The following DPYD variants were observed in gnomAD, a reference collection of about 807,000 sequenced individuals.
DPYD encodes the protein dihydropyrimidine dehydrogenase.
In DPYD, 109 loss-of-function variants were observed where a neutral mutation model predicts 116.2. That is an observed-to-expected ratio of 0.94 (90% CI 0.80 to 1.10). The LOEUF is 1.10. Ranked by LOEUF, DPYD falls within the 50% of genes least tolerant of loss-of-function variation. The pLI is 0.00. For missense variants in DPYD, 1,302 were observed against 1,254.5 expected (o/e 1.04, Z -0.57); for synonymous variants, 440 against 432.0 (o/e 1.02, Z -0.23).
At chr1:97,539,847 C>T (rs1011866108) in intron 12 of DPYD, among the ~76,000 whole-genome samples, 1 of 152,076 alleles carries the variant, frequency 6.6e-6, no homozygotes, top group African/African-American at 2.4e-5. Context: ...CAAGTTTTTT[C>T]TCAGTGGCAG....
chr1:97,612,664 A>C (rs949427680), intron 8 of DPYD, among the ~76,000 whole-genome samples: 5 of 152,102 alleles, frequency 3.3e-5, no homozygotes, highest in Non-Finnish European at 7.4e-5. Flanking sequence ...ATTAAGCAGC[A>C]AATAATATCT....
At chr1:97,436,782 C>T (rs773226896) in intron 14 of DPYD, among the ~76,000 whole-genome samples, 7 of 151,842 alleles carry the variant, frequency 4.6e-5, no homozygotes, top group Non-Finnish European at 1.0e-4. Context: ...CATGTTAATT[C>T]CCATGACTCA....
chr1:97,201,491 T>C (rs1659196623), intron 19 of DPYD, among the ~76,000 whole-genome samples: 1 of 152,176 alleles, frequency 6.6e-6, no homozygotes, highest in African/African-American at 2.4e-5. Flanking sequence ...TATCCGCCTA[T>C]GAGCTTTTGG....
chr1:97,737,307 T>C (rs370622615), intron 4 of DPYD, among the ~76,000 whole-genome samples: 2 of 152,158 alleles, frequency 1.3e-5, no homozygotes, highest in East Asian at 3.8e-4. Flanking sequence ...AATGACCTCC[T>C]GTACCAAGGG....
chr1:97,254,743 T>C (rs890188551), intron 18 of DPYD, among the ~76,000 whole-genome samples: 3 of 152,174 alleles, frequency 2.0e-5, no homozygotes, highest in African/African-American at 7.2e-5. Flanking sequence ...TCATGACTTA[T>C]GAAGTGTTAA....
intron 19 of DPYD, among the ~76,000 whole-genome samples, chr1:97,214,479 A>C (rs1660243852): frequency 6.6e-6 from 1 of 152,344 alleles, no homozygotes; most frequent in African/African-American, 2.4e-5. Flanking sequence ...ATTGTGTATA[A>C]CTTTATGAAT....
At chr1:97,714,181 G>A (rs1307559947) in intron 5 of DPYD, among the ~76,000 whole-genome samples, 2 of 151,832 alleles carry the variant, frequency 1.3e-5, no homozygotes, top group Admixed American at 6.6e-5. Flanking sequence ...AACACTTAAC[G>A]CTTCAAGGCT....
chr1:97,571,688 G>A (rs1419212326), intron 11 of DPYD, among the ~76,000 whole-genome samples: 1 of 151,948 alleles, frequency 6.6e-6, no homozygotes, highest in Non-Finnish European at 1.5e-5. Context: ...TATGGTAGAA[G>A]AGGATTAACA....
chr1:97,883,211 A>G (rs1672314731), intron 2 of DPYD, 53 bp downstream of exon 2: 2 of 1,210,274 alleles, frequency 1.7e-6, no homozygotes, highest in Non-Finnish European at 2.5e-6. Flanking sequence ...TTGCCTTACA[A>G]TGTGTGGAGT....
intron 1 of DPYD, among the ~76,000 whole-genome samples, chr1:97,900,066 A>C (rs572692122): frequency 6.6e-6 from 1 of 152,070 alleles, no homozygotes; most frequent in African/African-American, 2.4e-5. Context: ...CATTCAGCTA[A>C]GTACCAGGAA....
chr1:97,751,344 A>G (rs917702383), intron 3 of DPYD, among the ~76,000 whole-genome samples: 1 of 147,020 alleles, frequency 6.8e-6, no homozygotes, highest in Non-Finnish European at 1.5e-5. Context: ...ATATATCTAT[A>G]CATATATACA....
At chr1:97,620,239 G>C (rs1037068651) in intron 8 of DPYD, among the ~76,000 whole-genome samples, 3 of 152,076 alleles carry the variant, frequency 2.0e-5, no homozygotes, top group Non-Finnish European at 2.9e-5. Flanking sequence ...TTTTGAGACA[G>C]TGTCACTTTG....
At chr1:97,631,524 T>C (rs771035156) in intron 8 of DPYD, among the ~76,000 whole-genome samples, 1 of 152,018 alleles carries the variant, frequency 6.6e-6, no homozygotes, top group Non-Finnish European at 1.5e-5. Flanking sequence ...AAATGATTTA[T>C]GTTGACAAAA....
At chr1:97,316,208 G>A (rs1404475363) in intron 16 of DPYD, among the ~76,000 whole-genome samples, 1 of 151,934 alleles carries the variant, frequency 6.6e-6, no homozygotes, top group African/African-American at 2.4e-5. Flanking sequence ...ATCACTGAGA[G>A]GCTGGGCACA....
rs1419644717 is a variant in DPYD, at chr1:97,898,054, A to G, written c.40-14680T>C. Among the ~76,000 whole-genome samples the G allele has an allele frequency of 4.0e-5, 6 of 151,786 alleles. 1 individual carries two copies. Among genetic ancestry groups the G allele is most frequent in the Non-Finnish European group, 8.8e-5 (6 of 67,880 alleles). On this transcript the variant is annotated intron_variant, in intron 1 of 22. Transcript: ENST00000370192. Reference sequence around the variant, plus strand: ...TTTAAGCTTTGTGAGGAGGGAATCAAGCAGCATTTGCTCTGGGGCTAATTA... The same window carrying G: ...TTTAAGCTTTGTGAGGAGGGAATCAGGCAGCATTTGCTCTGGGGCTAATTA...
intron 16 of DPYD, among the ~76,000 whole-genome samples, chr1:97,324,861 C>T (rs527589432): frequency 3.9e-4 from 59 of 152,082 alleles, no homozygotes; most frequent in Non-Finnish European, 7.2e-4. Context: ...GATATGTAGA[C>T]AGAGAACAGT....
chr1:97,196,313 G>C (rs990037491), intron 19 of DPYD, among the ~76,000 whole-genome samples: 1 of 151,664 alleles, frequency 6.6e-6, no homozygotes, highest in Non-Finnish European at 1.5e-5. Flanking sequence ...TTCTTATAGA[G>C]ATGAGGTTTT....
intron 3 of DPYD, among the ~76,000 whole-genome samples, chr1:97,815,196 C>T (rs1668537996): frequency 6.6e-6 from 1 of 152,054 alleles, no homozygotes; most frequent in Non-Finnish European, 1.5e-5. Flanking sequence ...ACTGAAGTGG[C>T]TAAGTCAAGT....
chr1:97,159,729 T>C (rs1655748115), intron 20 of DPYD, among the ~76,000 whole-genome samples: 2 of 151,980 alleles, frequency 1.3e-5, no homozygotes, highest in South Asian at 4.1e-4. Context: ...GCTAAGGAGA[T>C]ATGAAAAAAT....
Sources: allele counts gnomAD v4.1 joint callset (sites outside exome capture counted in the v4.1 genomes callset), GRCh38; gene constraint gnomAD v4.1.1; transcripts MANE v1.5; gene names NCBI Gene and HGNC (gene_info 2026-07-23, HGNC 2026-07-21).